Variants in CLHC1 observed in about 807,000 individuals in gnomAD.
CLHC1 encodes the protein clathrin heavy chain linker domain containing 1.
Under a neutral mutation model 69.5 loss-of-function variants are expected in CLHC1, and 72 were observed. The ratio of observed to expected loss-of-function variants is 1.04; its 90% CI spans 0.86 to 1.26. The LOEUF (loss-of-function observed/expected upper bound fraction) is 1.26. Ranked by LOEUF, CLHC1 falls within the 50% of genes most tolerant of loss-of-function variation. The pLI is 0.00. For missense variants in CLHC1, 790 were observed against 679.3 expected (o/e 1.16, Z -1.81); for synonymous variants, 223 against 224.3 (o/e 0.99, Z 0.05).
intron 4 of CLHC1, among the ~76,000 whole-genome samples, chr2:55,215,583 G>A (rs988291432): frequency 6.6e-6 from 1 of 152,088 alleles, no homozygotes; most frequent in Non-Finnish European, 1.5e-5. Context: ...TTTTCCTTGC[G>A]GTCCCAGGGG....
intron 1 of CLHC1, among the ~76,000 whole-genome samples, chr2:55,231,396 G>T (rs1282423250): frequency 2.0e-5 from 3 of 152,190 alleles, no homozygotes; most frequent in Non-Finnish European, 2.9e-5. Flanking sequence ...AGGTTGTAAG[G>T]AAGGCAGAGG....
At chr2:55,199,397 C>A (rs1671731182) in intron 9 of CLHC1, among the ~76,000 whole-genome samples, 1 of 150,732 alleles carries the variant, frequency 6.6e-6, no homozygotes, top group African/African-American at 2.4e-5. Flanking sequence ...GTACAAAACT[C>A]ACTGCTAATA....
chr2:55,200,800 C>T (rs1671877530), intron 9 of CLHC1, among the ~76,000 whole-genome samples: 1 of 152,132 alleles, frequency 6.6e-6, no homozygotes, highest in Non-Finnish European at 1.5e-5. Context: ...AGTATTAAAA[C>T]ATTCAAAAAA....
chr2:55,194,889 CACTT>C (rs1263770132), intron 9 of CLHC1, among the ~76,000 whole-genome samples: 1 of 151,858 alleles, frequency 6.6e-6, no homozygotes, highest in African/African-American at 2.4e-5. Context: ...GTATTGAGAA[CACTT>C]ACACTCCACT....
intron 2 of CLHC1, among the ~76,000 whole-genome samples, chr2:55,226,085 A>G (rs1318288216): frequency 6.6e-6 from 1 of 151,878 alleles, no homozygotes; most frequent in African/African-American, 2.4e-5. Context: ...CCAGCTACTC[A>G]GGAGGCTGAG....
intron 9 of CLHC1, among the ~76,000 whole-genome samples, chr2:55,204,438 T>G (rs538064433): frequency 4.1e-4 from 63 of 152,238 alleles, no homozygotes; most frequent in South Asian, 2.1e-4. Context: ...CTTAAAACAG[T>G]AGCTTTTATC....
At chr2:55,193,335 T>C (rs556737593) in intron 9 of CLHC1, among the ~76,000 whole-genome samples, 1 of 151,970 alleles carries the variant, frequency 6.6e-6, no homozygotes, top group Non-Finnish European at 1.5e-5. Context: ...CTTTTTTTTT[T>C]AAATTAAAAA....
chr2:55,198,274 G>A (rs1671611923), intron 9 of CLHC1, among the ~76,000 whole-genome samples: 1 of 152,170 alleles, frequency 6.6e-6, no homozygotes, highest in African/African-American at 2.4e-5. Flanking sequence ...CAGAGATGGG[G>A]TAGAAAGTTT....
rs1165473935 is a variant in CLHC1 at position 55,222,353 on chromosome 2, T to A, written c.59A>T (p.Asp20Val). ...TTGCACACTTTCCAAAAATTCCTTGTCACTTCTACAAATGATAGGTGGGAG... is the reference window on the plus strand; with the variant it reads ...TTGCACACTTTCCAAAAATTCCTTGACACTTCTACAAATGATAGGTGGGAG... The part of the protein sequence containing the change: ...AVLPPIICRS[D>V]KEFLESVQRY... The change falls in exon 3 of 13, where the codon GAC becomes GTC. Residue 20 changes from aspartate to valine, a missense_variant. Transcript: ENST00000401408. 38 of 1,613,828 alleles carry A rather than the reference T, an allele frequency of 2.4e-5. No homozygotes were observed. The Admixed American group carries it at 6.0e-4, about 25-fold the overall frequency.
At chr2:55,201,747 T>C (rs539229287) in intron 9 of CLHC1, among the ~76,000 whole-genome samples, 1 of 152,194 alleles carries the variant, frequency 6.6e-6, no homozygotes, top group Non-Finnish European at 1.5e-5. Flanking sequence ...CTGATAAACA[T>C]TGATGCAAAA....
chr2:55,217,943 T>C lies in CLHC1; in HGVS notation c.233A>G (p.Tyr78Cys). 6.3e-7 allele frequency: 1 copy of C among 1,589,046 alleles called. No individual in the cohort carries two copies. The highest frequency in any genetic ancestry group is 8.6e-7 in the Non-Finnish European group (1 of 1,167,668). Residue 78 changes from tyrosine (Y) to cysteine (C), a missense_variant, in exon 4 of 13, where the codon TAT becomes TGT. Coordinates refer to ENST00000401408, the MANE Select transcript of CLHC1 (RefSeq NM_152385.4). Reference protein sequence around the residue: ...KSILTSIKKEYDAFIETIKKD... With the variant: ...KSILTSIKKECDAFIETIKKD... ...CTTTATTGTCTCAATAAAGGCATCA[T>C]ATTCTTTTTTGATTGAAGTAAGAAT...
At chr2:55,192,187 T>C (rs374759854) in intron 9 of CLHC1, among the ~76,000 whole-genome samples, 8 of 152,074 alleles carry the variant, frequency 5.3e-5, no homozygotes, top group African/African-American at 1.9e-4. Context: ...TAGTGTGATC[T>C]TGGCTCACTG....
At chr2:55,215,550 A>G (rs1269060436) in intron 4 of CLHC1, among the ~76,000 whole-genome samples, 1 of 152,188 alleles carries the variant, frequency 6.6e-6, no homozygotes, top group Non-Finnish European at 1.5e-5. Flanking sequence ...ATACCCATCA[A>G]TGATCAGCTG....
chr2:55,203,532 A>C (rs994584997), intron 9 of CLHC1, among the ~76,000 whole-genome samples: 1 of 152,214 alleles, frequency 6.6e-6, no homozygotes, highest in Non-Finnish European at 1.5e-5. Flanking sequence ...CTCACTTTTG[A>C]CAAAGGTGAC....
At position 55,206,263 on chromosome 2, in the gene CLHC1, T is replaced by G; in HGVS notation, c.1006+7A>C. On this transcript the variant is annotated splice_region_variant and intron_variant, in intron 9 of 12. Coordinates refer to ENST00000401408, the MANE Select transcript of CLHC1 (RefSeq NM_152385.4). ...TACATATATAAGGTTCAGAGAGAAA[T>G]GCTTACCCTTAAATGTATTCATTGT... 1 of 1,501,300 alleles carries G rather than the reference T, an allele frequency of 6.7e-7. No individual in the cohort carries two copies. The highest frequency in any genetic ancestry group is 9.3e-7 in the Non-Finnish European group (1 of 1,079,132). 93.0% of individuals were successfully genotyped at this position (1,501,300 alleles called of 1,614,324 possible). A position where few individuals can be genotyped will look rare whatever the true frequency, so the allele number is the denominator to read the frequency against.
chr2:55,181,829 T>G (rs2103690823), intron 9 of CLHC1, 85 bp from the exon 10 acceptor site: 1 of 1,032,492 alleles, frequency 9.7e-7, no homozygotes, highest in South Asian at 1.5e-5. Flanking sequence ...TTTTGTGCCT[T>G]TGCTTTTCTA....
At chr2:55,192,008 A>T (rs560917424) in intron 9 of CLHC1, among the ~76,000 whole-genome samples, 2 of 152,096 alleles carry the variant, frequency 1.3e-5, no homozygotes, top group East Asian at 3.9e-4. Flanking sequence ...CAAAATCCTG[A>T]CTCTAAAAAT....
chr2:55,209,954 T>G (rs1330401466), intron 5 of CLHC1, 123 bp from the exon 6 acceptor site: 1 of 616,892 alleles, frequency 1.6e-6, no homozygotes, highest in Non-Finnish European at 2.8e-6. Flanking sequence ...TAGTATGTAC[T>G]TATAGCTTAC....
intron 2 of CLHC1, among the ~76,000 whole-genome samples, chr2:55,226,671 G>A (rs1167348483): frequency 3.3e-5 from 5 of 152,202 alleles, no homozygotes; most frequent in African/African-American, 9.6e-5. Flanking sequence ...TTGCTCTGTC[G>A]CCCAGGCTGG....
Sources: allele counts gnomAD v4.1 joint callset (sites outside exome capture counted in the v4.1 genomes callset), GRCh38; gene constraint gnomAD v4.1.1; transcripts MANE v1.5; gene names NCBI Gene and HGNC (gene_info 2026-07-23, HGNC 2026-07-21).